Variants in TRAPPC9 observed in about 807,000 individuals in gnomAD.
The protein encoded by TRAPPC9 is IKK2 binding protein.
TRAPPC9 carries 83 observed loss-of-function variants against 124.0 expected under a neutral mutation model. The observed-to-expected ratio is 0.67, with a 90% CI of 0.56 to 0.80. TRAPPC9 has a LOEUF of 0.80. Among genes scored for constraint, TRAPPC9 ranks in the 30% least tolerant of loss-of-function variants. The pLI, the probability that TRAPPC9 is intolerant of heterozygous loss-of-function variation, is 0.00. For missense variants in TRAPPC9, 1,302 were observed against 1,508.3 expected (o/e 0.86, Z 2.27); for synonymous variants, 638 against 617.5 (o/e 1.03, Z -0.49).
chr8:139,838,954 C>G (rs879325947), intron 21 of TRAPPC9, among the ~76,000 whole-genome samples: 2 of 152,190 alleles, frequency 1.3e-5, no homozygotes, highest in African/African-American at 4.8e-5. Context: ...AGGGACACAC[C>G]AGGGGGCAAA....
chr8:139,749,716 G>A (rs1262844815), intron 21 of TRAPPC9, among the ~76,000 whole-genome samples: 2 of 152,188 alleles, frequency 1.3e-5, no homozygotes, highest in East Asian at 1.9e-4. Context: ...GGAAGGACAT[G>A]AGGTGCAAAA....
intron 17 of TRAPPC9, among the ~76,000 whole-genome samples, chr8:140,085,174 C>T (rs539283719): frequency 4.5e-4 from 68 of 152,274 alleles, no homozygotes; most frequent in African/African-American, 1.6e-3. Flanking sequence ...AGTTCCCCGA[C>T]GCTCCACAGT....
chr8:140,295,561 G>A (rs945012141), intron 11 of TRAPPC9, among the ~76,000 whole-genome samples: 2 of 152,154 alleles, frequency 1.3e-5, no homozygotes, highest in African/African-American at 4.8e-5. Flanking sequence ...ACACACTCAA[G>A]CTGAGGCCAG....
At chr8:139,888,321 C>A (rs74577579) in intron 20 of TRAPPC9, among the ~76,000 whole-genome samples, 2 of 152,216 alleles carry the variant, frequency 1.3e-5, no homozygotes, top group African/African-American at 4.8e-5. Context: ...CTGGCACCCC[C>A]ACGAATGAGC....
chr8:139,858,446 C>T (rs557435262), intron 21 of TRAPPC9, among the ~76,000 whole-genome samples: 4 of 152,340 alleles, frequency 2.6e-5, no homozygotes, highest in Non-Finnish European at 4.4e-5. Context: ...GGACTCCAGC[C>T]GCATGCAGCT....
At chr8:139,901,673 C>T (rs573910360) in intron 20 of TRAPPC9, among the ~76,000 whole-genome samples, 1 of 152,352 alleles carries the variant, frequency 6.6e-6, no homozygotes, top group South Asian at 2.1e-4. Flanking sequence ...GCTGCCATCT[C>T]CATAGGCTTC....
At chr8:140,027,664 C>T (rs1394364869) in intron 17 of TRAPPC9, among the ~76,000 whole-genome samples, 1 of 152,106 alleles carries the variant, frequency 6.6e-6, no homozygotes, top group Non-Finnish European at 1.5e-5. Flanking sequence ...ACTCCATTCT[C>T]ACACTACTAT....
intron 19 of TRAPPC9, among the ~76,000 whole-genome samples, chr8:139,943,867 A>G (rs1179003613): frequency 6.6e-6 from 1 of 152,190 alleles, no homozygotes; most frequent in Non-Finnish European, 1.5e-5. Flanking sequence ...GAAGACAGAT[A>G]AATGAAACAT....
At chr8:140,057,376 T>G (rs893387437) in intron 17 of TRAPPC9, among the ~76,000 whole-genome samples, 6 of 152,336 alleles carry the variant, frequency 3.9e-5, no homozygotes, top group Middle Eastern at 6.8e-3. Context: ...CTCAGAGAGA[T>G]ATGTACACTT....
intron 19 of TRAPPC9, among the ~76,000 whole-genome samples, chr8:139,965,476 T>C (rs1367252871): frequency 6.6e-6 from 1 of 152,158 alleles, no homozygotes; most frequent in Non-Finnish European, 1.5e-5. Flanking sequence ...GCTGCAGAAC[T>C]GGGGCTGACA....
At chr8:139,764,606 G>A (rs1820461594) in intron 21 of TRAPPC9, among the ~76,000 whole-genome samples, 1 of 152,138 alleles carries the variant, frequency 6.6e-6, no homozygotes, top group African/African-American at 2.4e-5. Context: ...GTCTTACTGT[G>A]GCCTCAGTTC....
intron 17 of TRAPPC9, among the ~76,000 whole-genome samples, chr8:140,058,660 A>G (rs762453002): frequency 3.3e-5 from 5 of 152,248 alleles, no homozygotes; most frequent in Non-Finnish European, 5.9e-5. Context: ...GGAACTAAGA[A>G]CAGCCGGGAG....
intron 19 of TRAPPC9, among the ~76,000 whole-genome samples, chr8:139,915,413 A>C (rs1832061160): frequency 6.6e-6 from 1 of 151,968 alleles, no homozygotes; most frequent in South Asian, 2.1e-4. Flanking sequence ...CATCTGGCTA[A>C]TTTTTGTATT....
At position 139,960,834 on chromosome 8, in the gene TRAPPC9, A is replaced by G. The variant is rs1397968947; in HGVS notation, c.2810+27892T>C. On this transcript the variant is annotated intron_variant, in intron 19 of 22. Coordinates refer to ENST00000438773, the MANE Select transcript of TRAPPC9 (RefSeq NM_001160372.4). ...CTGCAGCTGGTGGGGCTCAGCTTGCATGGGGGCTCCACAGCAAGTCACAAT... is the reference window on the plus strand; with the variant it reads ...CTGCAGCTGGTGGGGCTCAGCTTGCGTGGGGGCTCCACAGCAAGTCACAAT... 2.4e-5 allele frequency among the ~76,000 whole-genome samples: 3 copies of G among 124,898 alleles called. 1 individual carries two copies. The highest frequency in any genetic ancestry group is 7.6e-5 in the African/African-American group (3 of 39,456). The allele number at this position is 124,898 out of a possible 152,430, so 81.9% of individuals were successfully genotyped here.
At chr8:140,112,521 G>A (rs754719093) in intron 17 of TRAPPC9, among the ~76,000 whole-genome samples, 6 of 152,192 alleles carry the variant, frequency 3.9e-5, no homozygotes, top group African/African-American at 9.6e-5. Flanking sequence ...CAGAGCTCCC[G>A]ACCAGTAAGC....
rs2067912266 is a variant in TRAPPC9, at chr8:140,360,329, T to C, written c.1352-136A>G. ...AACTCCAAGAGCAACAAAAAATATT[T>C]CCTCTGCTTTTAATGACCCTGGAAA... On this transcript the variant is annotated intron_variant, in intron 8 of 22. Transcript: ENST00000438773. 4 of 1,171,022 alleles carry C rather than the reference T, an allele frequency of 3.4e-6. No homozygotes were observed. In the East Asian group the frequency reaches 1.0e-4, roughly 30 times the overall value. The allele number at this position is 1,171,022 out of a possible 1,614,324, so 72.5% of individuals were successfully genotyped here. A position where few individuals can be genotyped will look rare whatever the true frequency, so the allele number is the denominator to read the frequency against.
intron 18 of TRAPPC9, among the ~76,000 whole-genome samples, chr8:139,996,038 G>T (rs1035824993): frequency 2.0e-5 from 3 of 150,142 alleles, no homozygotes; most frequent in African/African-American, 7.3e-5. Context: ...ACTTCAAGAT[G>T]ACTGTCTTAT....
rs1034120709 is a variant in TRAPPC9 at position 139,905,821 on chromosome 8, G to A, written c.2964+4326C>T. ...AGAAAAAAGGGGTACCCAGCTGGGC[G>A]CGGTGGCTCATGCCTGTAATACCAA... On this transcript the variant is annotated intron_variant, in intron 20 of 22. Coordinates refer to ENST00000438773, the MANE Select transcript of TRAPPC9 (RefSeq NM_001160372.4). Among the ~76,000 whole-genome samples the A allele has an allele frequency of 2.6e-5, 4 of 152,176 alleles. No individual in the cohort carries two copies. In the East Asian group the frequency reaches 5.8e-4, roughly 22 times the overall value.
intron 17 of TRAPPC9, among the ~76,000 whole-genome samples, chr8:140,084,448 T>C (rs934183102): frequency 2.0e-5 from 3 of 152,218 alleles, no homozygotes; most frequent in Non-Finnish European, 4.4e-5. Flanking sequence ...GTCCCTTCTC[T>C]GGTTAAAAGC....
Sources: gnomAD v4.1 joint callset for allele counts (sites outside exome capture counted in the v4.1 genomes callset) on GRCh38, gnomAD v4.1.1 for gene constraint, MANE v1.5 for transcripts, NCBI Gene and HGNC (gene_info 2026-07-23, HGNC 2026-07-21) for gene names.